The following SLC27A2 variants were observed in gnomAD, a reference collection of about 807,000 sequenced individuals.
SLC27A2 encodes solute carrier family 27 member 2, also known as long-chain fatty acid transport protein 2.
A neutral mutation model predicts 60.0 loss-of-function variants in SLC27A2; 54 were observed. The ratio of observed to expected loss-of-function variants is 0.90; its 90% confidence interval spans 0.72 to 1.13. The LOEUF (loss-of-function observed/expected upper bound fraction) is 1.13, where lower values mean the gene tolerates loss of function less well. SLC27A2 is among the 50% of genes most tolerant of loss of function. The pLI, the probability that SLC27A2 is intolerant of heterozygous loss-of-function variation, is 0.00. For synonymous variants in SLC27A2, 297 were observed against 297.6 expected, an observed-to-expected ratio of 1.00 and a Z score of 0.02; for missense variants, 739 against 777.6, an observed-to-expected ratio of 0.95 and a Z score of 0.59.
intron 1 of SLC27A2, among the ~76,000 whole-genome samples, chr15:50,188,982 AATAGATAG>A (rs199573332): frequency 0.026 from 3,511 of 135,498 alleles, 42 homozygotes; most frequent in Non-Finnish European, 0.031. Context: ...TAGATAGATA[AATAGATAG>A]ATAGATAGAT....
At chr15:50,218,020 C>T (rs1348223978) in intron 4 of SLC27A2, among the ~76,000 whole-genome samples, 1 of 135,692 alleles carries the variant, frequency 7.4e-6, no homozygotes, top group Non-Finnish European at 1.5e-5. Context: ...CACCATTGCA[C>T]TCCAGCCTGG....
At position 50,236,213 on chromosome 15, in the gene SLC27A2, T is replaced by C. The variant is rs2045351129; in HGVS notation, c.*117T>C. ...GAGGAAATTTTGTAGGAAATTTGCA[T>C]ACCCGTAAAGGGAGACTTTTTTAAA... On this transcript the variant is annotated 3_prime_UTR_variant, in exon 10 of 10. Transcript: ENST00000267842. 1.2e-6 allele frequency: 1 copy of C among 854,296 alleles called. No homozygotes were observed. Among genetic ancestry groups the C allele is most frequent in the Non-Finnish European group, 1.8e-6 (1 of 568,602 alleles). The allele number at this position is 854,296 out of a possible 1,614,324, so 52.9% of individuals were successfully genotyped here.
intron 4 of SLC27A2, among the ~76,000 whole-genome samples, chr15:50,209,909 A>G (rs905062147): frequency 5.3e-5 from 8 of 152,324 alleles, no homozygotes; most frequent in Admixed American, 2.0e-4. Context: ...CATTGCAACC[A>G]TGAACTACAT....
chr15:50,198,022 A>G (rs1341352386), intron 2 of SLC27A2, among the ~76,000 whole-genome samples: 1 of 152,042 alleles, frequency 6.6e-6, no homozygotes, highest in Non-Finnish European at 1.5e-5. Flanking sequence ...TGCTTGTTGT[A>G]TTTTGATTAT....
chr15:50,210,891 G>A (rs2045149724), intron 4 of SLC27A2, among the ~76,000 whole-genome samples: 2 of 152,144 alleles, frequency 1.3e-5, no homozygotes, highest in Non-Finnish European at 2.9e-5. Context: ...CAACCTGCAT[G>A]ACTCAGCAGA....
At chr15:50,234,587 C>CAA (rs767076726) in intron 9 of SLC27A2, among the ~76,000 whole-genome samples, 773 of 61,438 alleles carry the variant, frequency 0.013, 10 homozygotes, top group African/African-American at 0.041. Context: ...ACTCCATCTC[C>CAA]AAAAAAAAAA....
At position 50,205,374 on chromosome 15, in the gene SLC27A2, C is replaced by G; in HGVS notation, c.972+11C>G. ...TGCAACTCACCACAGGTAACACTCC[C>G]CCCGTTTTACTATCATTTTGAAATG... On this transcript the variant is annotated intron_variant, in intron 4 of 9. Coordinates refer to ENST00000267842, the MANE Select transcript of SLC27A2 (RefSeq NM_003645.4). 1 of 1,597,228 alleles carries G rather than the reference C, an allele frequency of 6.3e-7. No individual in the cohort carries two copies. Among genetic ancestry groups the G allele is most frequent in the Non-Finnish European group, 8.6e-7 (1 of 1,168,402 alleles).
At chr15:50,192,965 C>T (rs961152754) in intron 1 of SLC27A2, among the ~76,000 whole-genome samples, 2 of 152,098 alleles carry the variant, frequency 1.3e-5, no homozygotes, top group African/African-American at 4.8e-5. Flanking sequence ...TCTCTCTACC[C>T]ACACTGCTGC....
intron 1 of SLC27A2, among the ~76,000 whole-genome samples, chr15:50,184,731 G>A (rs1245666029): frequency 2.0e-5 from 3 of 152,060 alleles, no homozygotes; most frequent in Non-Finnish European, 4.4e-5. Context: ...CAACTACCTG[G>A]GAGGCTGAGG....
Position 50,182,767 on chromosome 15 carries a change from G to T in SLC27A2, c.340G>T (p.Glu114Ter), listed in dbSNP as rs1305619865. 6.2e-7 allele frequency: 1 copy of T among 1,613,764 alleles called. No individual in the cohort carries two copies. The highest frequency in any genetic ancestry group is 8.5e-7 in the Non-Finnish European group (1 of 1,179,966). Residue 114 changes from glutamate (E) to a stop codon, truncating the protein, a stop_gained, in exon 1 of 10, where the codon GAG becomes TAG. Transcript: ENST00000267842. LOFTEE classifies it high-confidence loss of function. ...GDCVALLMGN[E>*]PAYVWLWLGL... ...CTGCGTGGCGCTCCTTATGGGTAACGAGCCGGCCTACGTGTGGCTGTGGCT... is the reference window on the plus strand; with the variant it reads ...CTGCGTGGCGCTCCTTATGGGTAACTAGCCGGCCTACGTGTGGCTGTGGCT...
At chr15:50,196,764 C>T (rs2045026956) in intron 1 of SLC27A2, among the ~76,000 whole-genome samples, 1 of 151,914 alleles carries the variant, frequency 6.6e-6, no homozygotes, top group African/African-American at 2.4e-5. Context: ...TTTTTTCCCT[C>T]AGATTAGAAA....
chr15:50,206,246 A>G (rs1427608896), intron 4 of SLC27A2, among the ~76,000 whole-genome samples: 1 of 152,118 alleles, frequency 6.6e-6, no homozygotes, highest in Non-Finnish European at 1.5e-5. Context: ...ATGATCATCA[A>G]AATGTCTCCA....
At chr15:50,223,446 C>T (rs905336437) in intron 5 of SLC27A2, among the ~76,000 whole-genome samples, 3 of 152,226 alleles carry the variant, frequency 2.0e-5, no homozygotes, top group Admixed American at 2.0e-4. Flanking sequence ...TGTGATAAAA[C>T]ACCTGAAGGT....
At chr15:50,203,021 ATAT>A (rs1278862556) in intron 3 of SLC27A2, among the ~76,000 whole-genome samples, 6 of 139,836 alleles carry the variant, frequency 4.3e-5, no homozygotes, top group African/African-American at 1.1e-4. Flanking sequence ...TCTAAAAAAA[ATAT>A]ATATATATAT....
chr15:50,219,413 C>T (rs1283432550), intron 4 of SLC27A2, among the ~76,000 whole-genome samples: 7 of 151,838 alleles, frequency 4.6e-5, no homozygotes, highest in Non-Finnish European at 5.9e-5. Flanking sequence ...GTGGCACTCT[C>T]TCTTTGTTGC....
rs1218466158 is a variant in SLC27A2, at chr15:50,202,526, G to A, written c.728G>A (p.Trp243Ter). ...GCCATGATCACTCATCAGCGCATAT[G>A]GTATGGAACTGGCCTCACTTTTGTA... ...KAAMITHQRI[W>*]YGTGLTFVSG... The change falls in exon 3 of 10, where the codon TGG becomes TAG. Residue 243 changes from tryptophan to a stop codon, truncating the protein, a stop_gained. Transcript: ENST00000267842. LOFTEE classifies it high-confidence loss of function. 1.2e-6 allele frequency: 2 copies of A among 1,614,186 alleles called. No individual in the cohort carries two copies. The highest frequency in any genetic ancestry group is 1.7e-6 in the Non-Finnish European group (2 of 1,180,018).
intron 4 of SLC27A2, among the ~76,000 whole-genome samples, chr15:50,220,322 T>G (rs2045233699): frequency 6.6e-6 from 1 of 152,188 alleles, no homozygotes; most frequent in Non-Finnish European, 1.5e-5. Flanking sequence ...TGGTAGAGAT[T>G]ATCTATTTTA....
At chr15:50,183,530 C>G (rs72737046) in intron 1 of SLC27A2, among the ~76,000 whole-genome samples, 2 of 152,134 alleles carry the variant, frequency 1.3e-5, no homozygotes, top group African/African-American at 4.8e-5. Context: ...GCTACAGGAC[C>G]GTTGTGAGCC....
chr15:50,194,015 G>GTAC (rs2044994543), intron 1 of SLC27A2, among the ~76,000 whole-genome samples: 1 of 152,020 alleles, frequency 6.6e-6, no homozygotes, highest in African/African-American at 2.4e-5. Context: ...GCTGGGCATG[G>GTAC]TACTCCTGTA....
Sources: gnomAD v4.1 joint callset for allele counts (sites outside exome capture counted in the v4.1 genomes callset) on GRCh38, gnomAD v4.1.1 for gene constraint, MANE v1.5 for transcripts, NCBI Gene and HGNC (gene_info 2026-07-23, HGNC 2026-07-21) for gene names.